CD4: variants seen among roughly 807,000 people sequenced by gnomAD.
CD4 encodes T-cell surface glycoprotein CD4.
CD4 carries 25 observed loss-of-function variants against 50.5 expected under a neutral mutation model. That is an observed-to-expected ratio of 0.49 (90% CI 0.36 to 0.69). The LOEUF (loss-of-function observed/expected upper bound fraction) is 0.69. Ranked by LOEUF, CD4 falls within the 30% of genes least tolerant of loss-of-function variation. The pLI, the probability that CD4 is intolerant of heterozygous loss-of-function variation, is 0.00. For missense variants in CD4, 456 were observed against 548.5 expected (o/e 0.83, Z 1.68); for synonymous variants, 207 against 221.9 (o/e 0.93, Z 0.60).
intron 3 of CD4, among the ~76,000 whole-genome samples, chr12:6,813,783 T>C (rs782117841): frequency 1.5e-4 from 23 of 152,358 alleles, no homozygotes; most frequent in Non-Finnish European, 3.2e-4. Flanking sequence ...GGCAGTTACC[T>C]AATCTCTCTG....
At position 6,819,460 on chromosome 12, in the gene CD4, T is replaced by A. The variant is rs1943213120; in HGVS notation, c.*131T>A. 2.3e-6 allele frequency: 2 copies of A among 862,714 alleles called. No homozygotes were observed. The highest frequency in any genetic ancestry group is 3.8e-5 in the Admixed American group (2 of 53,086). The allele number at this position is 862,714 out of a possible 1,614,324, so 53.4% of individuals were successfully genotyped here. A position where few individuals can be genotyped will look rare whatever the true frequency, so the allele number is the denominator to read the frequency against. On this transcript the variant is annotated 3_prime_UTR_variant, in exon 10 of 10. Transcript: ENST00000011653. ...TGTTCGCCTCCTCTACAATTTGCCA[T>A]TGTTTCTCCTGGGTTAGGCCCCGGC...
chr12:6,811,384 C>T (rs1942929908), intron 3 of CD4, among the ~76,000 whole-genome samples: 1 of 152,036 alleles, frequency 6.6e-6, no homozygotes, highest in Admixed American at 6.6e-5. Flanking sequence ...AAAGGAGACA[C>T]ATACTTATGC....
chr12:6,802,042 T>C (rs984127858), intron 3 of CD4, among the ~76,000 whole-genome samples: 1 of 151,624 alleles, frequency 6.6e-6, no homozygotes, highest in African/African-American at 2.4e-5. Context: ...CCCGGCTAAT[T>C]TGCGTATTTT....
chr12:6,804,471 A>T (rs1165925674), intron 3 of CD4, among the ~76,000 whole-genome samples: 1 of 152,262 alleles, frequency 6.6e-6, no homozygotes, highest in Non-Finnish European at 1.5e-5. Flanking sequence ...TAATAAATGA[A>T]TTCATCAAGG....
chr12:6,814,358 C>T, intron 4 of CD4, 58 bp downstream of exon 4: 1 of 1,547,972 alleles, frequency 6.5e-7, no homozygotes, highest in Non-Finnish European at 8.8e-7. Context: ...CCCCACTACT[C>T]CCACCCCTGC....
Position 6,816,366 on chromosome 12 carries a change from A to G in CD4, c.918A>G (p.Gly306=). The change falls in exon 6 of 10, where the codon GGA becomes GGG. Residue 306 remains glycine, a synonymous_variant. Transcript: ENST00000011653. The surrounding 1 kb of genome is among the most constrained non-coding windows in gnomAD (Gnocchi z 4.9). ...NLTLALEAKT[G]KLHQEVNLVV... ...CCCTGGCCCTTGAAGCGAAAACAGG[A>G]AAGTTGCATCAGGAAGTGAACCTGG... 6.2e-7 allele frequency: 1 copy of G among 1,614,164 alleles called. No homozygotes were observed. Among genetic ancestry groups the G allele is most frequent in the Non-Finnish European group, 8.5e-7 (1 of 1,180,006 alleles).
At position 6,793,691 on chromosome 12, in the gene CD4, TCTATCTATCTA is replaced by T. The variant is rs1565488164; in HGVS notation, c.-68+4030_-68+4040del. ...ATCTATCTATCTATCTATCTATCTATCTATCTATCTATCTTTTTTTTTTTTGAGACAAAATC... is the reference window on the plus strand; with the variant it reads ...ATCTATCTATCTATCTATCTATCTATTCTTTTTTTTTTTTGAGACAAAATC... On this transcript the variant is annotated intron_variant, in intron 1 of 9. Coordinates refer to ENST00000011653, the MANE Select transcript of CD4 (RefSeq NM_000616.5). Among the ~76,000 whole-genome samples the T allele has an allele frequency of 8.3e-4, 91 of 110,268 alleles. 3 individuals are homozygous for T. The highest frequency in any genetic ancestry group is 3.1e-3 in the African/African-American group (81 of 25,804). 72.3% of individuals were successfully genotyped at this position (110,268 alleles called of 152,430 possible).
chr12:6,797,587 T>C (rs537857400), intron 1 of CD4, among the ~76,000 whole-genome samples: 1 of 152,196 alleles, frequency 6.6e-6, no homozygotes, highest in East Asian at 1.9e-4. Flanking sequence ...TATTGATCAC[T>C]ATCTTTACTA....
In CD4 at chr12:6,792,273, C is replaced by G. The variant is rs145946686; in HGVS notation, c.-68+2611C>G. Among the ~76,000 whole-genome samples, 3 of 152,190 alleles carry G rather than the reference C, an allele frequency of 2.0e-5. No individual in the cohort carries two copies. The East Asian group carries it at 5.8e-4, about 29-fold the overall frequency. On this transcript the variant is annotated intron_variant, in intron 1 of 9. Coordinates refer to ENST00000011653, the MANE Select transcript of CD4 (RefSeq NM_000616.5). The surrounding 1 kb of genome is among the most constrained non-coding windows in gnomAD (Gnocchi z 4.1). ...TACCCTCCCAAGCCTCGCCCCTCATCCCATCCCTGGGGGCCAGGGGTGAGG... is the reference window on the plus strand; with the variant it reads ...TACCCTCCCAAGCCTCGCCCCTCATGCCATCCCTGGGGGCCAGGGGTGAGG...
intron 5 of CD4, chr12:6,815,792 G>C (rs1943068707): frequency 6.9e-7 from 1 of 1,444,864 alleles, no homozygotes; most frequent in African/African-American, 1.4e-5. Flanking sequence ...GGAATCCTAA[G>C]GACAGCAAGG....
intron 3 of CD4, among the ~76,000 whole-genome samples, chr12:6,810,034 C>T (rs11575096): frequency 0.022 from 3,335 of 152,020 alleles, 50 homozygotes; most frequent in Non-Finnish European, 0.032. Flanking sequence ...GGATTACAGG[C>T]GTGCACCACC....
At chr12:6,815,029 C>T (rs201247136) in intron 5 of CD4, 37 bp downstream of exon 5, 4 of 1,419,446 alleles carry the variant, frequency 2.8e-6, no homozygotes, top group Non-Finnish European at 3.9e-6. Context: ...CTCCTCCCTG[C>T]CCCAGGGGCT....
At chr12:6,797,516 G>A (rs1954128737) in intron 1 of CD4, among the ~76,000 whole-genome samples, 2 of 152,096 alleles carry the variant, frequency 1.3e-5, no homozygotes, top group East Asian at 1.9e-4. Context: ...TGGGCCCAGG[G>A]GACCGGCGCT....
chr12:6,807,060 G>A (rs1175984965), intron 3 of CD4, among the ~76,000 whole-genome samples: 2 of 152,016 alleles, frequency 1.3e-5, no homozygotes, highest in Non-Finnish European at 2.9e-5. Flanking sequence ...CCAGCTACTC[G>A]GGAGGCTGAG....
At chr12:6,796,134 C>T (rs1228385913) in intron 1 of CD4, among the ~76,000 whole-genome samples, 1 of 152,240 alleles carries the variant, frequency 6.6e-6, no homozygotes, top group Non-Finnish European at 1.5e-5. Context: ...ATACCAAGTC[C>T]TCTCTCTATG....
chr12:6,814,905 C>T lies in CD4; in HGVS notation c.520C>T (p.Leu174=), dbSNP rs1435444317. The T allele has an allele frequency of 6.2e-7, 1 of 1,613,494 alleles. No individual in the cohort carries two copies. The highest frequency in any genetic ancestry group is 8.5e-7 in the Non-Finnish European group (1 of 1,179,696). ...GGGGAAGACCCTCTCCGTGTCTCAG[C>T]TGGAGCTCCAGGATAGTGGCACCTG... The part of the protein sequence containing the change: ...QGGKTLSVSQ[L]ELQDSGTWTC... Residue 174 remains leucine, a synonymous_variant, in exon 5 of 10, where the codon CTG becomes TTG. Coordinates refer to ENST00000011653, the MANE Select transcript of CD4 (RefSeq NM_000616.5).
intron 1 of CD4, among the ~76,000 whole-genome samples, chr12:6,793,023 C>G (rs1942213678): frequency 6.6e-6 from 1 of 152,058 alleles, no homozygotes; most frequent in Non-Finnish European, 1.5e-5. Flanking sequence ...GAGAGCCCTC[C>G]CAGCCTCTCT....
chr12:6,808,839 T>C (rs2137894477), intron 3 of CD4, among the ~76,000 whole-genome samples: 1 of 152,336 alleles, frequency 6.6e-6, no homozygotes, highest in African/African-American at 2.4e-5. Flanking sequence ...AAATTAAGGA[T>C]ATGAACTTTT....
intron 3 of CD4, among the ~76,000 whole-genome samples, chr12:6,810,785 A>G (rs138475048): frequency 6.2e-4 from 95 of 152,300 alleles, no homozygotes; most frequent in Non-Finnish European, 1.0e-3. Context: ...AAGCTGGGGA[A>G]TTAAAGCAGT....
Sources: allele counts gnomAD v4.1 joint callset (sites outside exome capture counted in the v4.1 genomes callset), GRCh38; gene constraint gnomAD v4.1.1; non-coding constraint Gnocchi (gnomAD v3.1); transcripts MANE v1.5; gene names NCBI Gene and HGNC (gene_info 2026-07-23, HGNC 2026-07-21).